PTPRD: variants seen among roughly 807,000 people sequenced by gnomAD.
PTPRD encodes protein tyrosine phosphatase receptor type D.
In PTPRD, 34 loss-of-function variants were observed where a neutral mutation model predicts 214.5. The ratio of observed to expected loss-of-function variants is 0.16; its 90% confidence interval spans 0.12 to 0.21. The LOEUF (loss-of-function observed/expected upper bound fraction) is 0.21, where lower values mean the gene tolerates loss of function less well. Among genes scored for constraint, PTPRD ranks in the 10% least tolerant of loss-of-function variants. The pLI is 1.00. For synonymous variants in PTPRD, 1,128 were observed against 845.7 expected, an observed-to-expected ratio of 1.33 and a Z score of -5.79; for missense variants, 2,545 against 2,398.7, an observed-to-expected ratio of 1.06 and a Z score of -1.27.
At chr9:8,779,550 C>T (rs1294499987) in intron 11 of PTPRD, among the ~76,000 whole-genome samples, 2 of 152,108 alleles carry the variant, frequency 1.3e-5, no homozygotes, top group African/African-American at 4.8e-5. Context: ...CATATTATTA[C>T]AACTAGGAAT....
At chr9:8,368,752 T>C (rs1262431421) in intron 39 of PTPRD, among the ~76,000 whole-genome samples, 1 of 150,794 alleles carries the variant, frequency 6.6e-6, no homozygotes, top group Non-Finnish European at 1.5e-5. Context: ...ATCATAGGAC[T>C]GTGCCATCAA....
At chr9:9,916,306 C>G (rs1028700119) in intron 5 of PTPRD, among the ~76,000 whole-genome samples, 2 of 151,602 alleles carry the variant, frequency 1.3e-5, no homozygotes, top group Non-Finnish European at 2.9e-5. Context: ...CTGATACACA[C>G]AGGAGAAAGA....
chr9:10,034,575 C>T (rs2097144124), intron 3 of PTPRD, among the ~76,000 whole-genome samples: 1 of 151,978 alleles, frequency 6.6e-6, no homozygotes, highest in African/African-American at 2.4e-5. Flanking sequence ...TCCCTCCTCT[C>T]AACCTCCACC....
intron 34 of PTPRD, among the ~76,000 whole-genome samples, chr9:8,437,619 T>C (rs891305169): frequency 2.0e-5 from 3 of 152,118 alleles, no homozygotes; most frequent in Non-Finnish European, 4.4e-5. Context: ...CTAACAACTC[T>C]GTGATATTTT....
intron 5 of PTPRD, among the ~76,000 whole-genome samples, chr9:9,824,940 T>C (rs1404778594): frequency 2.0e-5 from 3 of 151,946 alleles, no homozygotes; most frequent in African/African-American, 7.2e-5. Context: ...TGGTACCAGA[T>C]GATCTGGTTT....
chr9:9,743,044 A>T (rs1406504067), intron 6 of PTPRD, among the ~76,000 whole-genome samples: 1 of 152,214 alleles, frequency 6.6e-6, no homozygotes, highest in East Asian at 1.9e-4. Context: ...TTATTTATAT[A>T]ATTTATCTTG....
intron 4 of PTPRD, among the ~76,000 whole-genome samples, chr9:9,999,965 T>A (rs547464429): frequency 1.3e-5 from 2 of 152,130 alleles, no homozygotes; most frequent in Non-Finnish European, 2.9e-5. Flanking sequence ...GTCAGAAAGT[T>A]TAAGTCTGTT....
intron 11 of PTPRD, among the ~76,000 whole-genome samples, chr9:8,806,634 T>A (rs904813825): frequency 6.6e-6 from 1 of 152,350 alleles, no homozygotes; most frequent in East Asian, 1.9e-4. Flanking sequence ...TGTTTAAGAC[T>A]AGCCAATATT....
At chr9:8,746,853 T>C (rs2092875718) in intron 11 of PTPRD, among the ~76,000 whole-genome samples, 2 of 152,108 alleles carry the variant, frequency 1.3e-5, no homozygotes, top group Admixed American at 1.3e-4. Context: ...AAAATTTATC[T>C]GTTGGATATG....
chr9:8,763,789 T>C (rs1433059376), intron 11 of PTPRD, among the ~76,000 whole-genome samples: 2 of 151,982 alleles, frequency 1.3e-5, no homozygotes, highest in African/African-American at 2.4e-5. Context: ...CAAATAAAAA[T>C]GTCCCACATC....
At chr9:10,017,381 C>T (rs761831668) in intron 4 of PTPRD, among the ~76,000 whole-genome samples, 1 of 151,738 alleles carries the variant, frequency 6.6e-6, no homozygotes, top group Non-Finnish European at 1.5e-5. Flanking sequence ...TTTGGCTTTA[C>T]TAATTTTCTT....
chr9:8,584,072 T>C (rs186336907), intron 14 of PTPRD, among the ~76,000 whole-genome samples: 123 of 152,310 alleles, frequency 8.1e-4, no homozygotes, highest in African/African-American at 2.9e-3. Context: ...GAGGATCACC[T>C]GAGCCTGGTA....
chr9:9,126,053 G>C (rs1350297586), intron 10 of PTPRD, among the ~76,000 whole-genome samples: 1 of 152,182 alleles, frequency 6.6e-6, no homozygotes. Flanking sequence ...GGGAAGAATA[G>C]TAAGAGATGA....
At chr9:9,877,943 A>G (rs1316653285) in intron 5 of PTPRD, among the ~76,000 whole-genome samples, 1 of 148,062 alleles carries the variant, frequency 6.8e-6, no homozygotes, top group Non-Finnish European at 1.5e-5. Flanking sequence ...ATTGCACTCC[A>G]ACCTGGGCAA....
intron 26 of PTPRD, among the ~76,000 whole-genome samples, chr9:8,494,011 C>CAG (rs1322428101): frequency 6.8e-6 from 1 of 147,046 alleles, no homozygotes; most frequent in Non-Finnish European, 1.5e-5. Context: ...CACACAGACA[C>CAG]ACACACACAC....
intron 9 of PTPRD, among the ~76,000 whole-genome samples, chr9:9,310,670 C>A (rs1356585286): frequency 1.3e-5 from 2 of 152,086 alleles, no homozygotes; most frequent in African/African-American, 2.4e-5. Flanking sequence ...GTAATCCCAG[C>A]ACTTTGGGAG....
chr9:9,532,681 C>T (rs1033971748), intron 8 of PTPRD, among the ~76,000 whole-genome samples: 2 of 152,110 alleles, frequency 1.3e-5, no homozygotes, highest in Non-Finnish European at 2.9e-5. Context: ...ATTTTGCAGG[C>T]TAAGAGTTTG....
chr9:8,989,825 G>C lies in PTPRD; in HGVS notation c.-104+28872C>G, dbSNP rs569214505. ...ATTAAGAGGCACAGTGCCAGAAACC[G>C]TGAAGCTTTGCAAAAAGAAACATTA... On this transcript the variant is annotated intron_variant, in intron 11 of 45. Coordinates refer to ENST00000381196, the MANE Select transcript of PTPRD (RefSeq NM_002839.4). 1.2e-4 allele frequency among the ~76,000 whole-genome samples: 19 copies of C among 152,066 alleles called. No homozygotes were observed. In the South Asian group the frequency reaches 3.7e-3, roughly 30 times the overall value.
intron 2 of PTPRD, among the ~76,000 whole-genome samples, chr9:10,495,758 T>C (rs2041861718): frequency 6.6e-6 from 1 of 151,760 alleles, no homozygotes; most frequent in African/African-American, 2.4e-5. Flanking sequence ...AGAAACAACA[T>C]GATTGCTGGT....
Sources: allele counts gnomAD v4.1 joint callset (sites outside exome capture counted in the v4.1 genomes callset), GRCh38; gene constraint gnomAD v4.1.1; transcripts MANE v1.5; gene names NCBI Gene and HGNC (gene_info 2026-07-23, HGNC 2026-07-21).